ZNF160: variants seen among roughly 807,000 people sequenced by gnomAD.
ZNF160 encodes zinc finger protein 160.
Under a neutral mutation model 13.1 loss-of-function variants are expected in ZNF160, and 9 were observed. The observed-to-expected ratio is 0.69, with a 90% CI of 0.41 to 1.20. The LOEUF is 1.20. Among genes scored for constraint, ZNF160 ranks in the 50% most tolerant of loss-of-function variants. ZNF160 has a pLI of 0.01. For synonymous variants in ZNF160, 293 were observed against 333.2 expected (o/e 0.88, Z 1.31); for missense variants, 838 against 988.0 (o/e 0.85, Z 2.04).
chr19:53,099,491 G>A (rs865832048), intron 1 of ZNF160, among the ~76,000 whole-genome samples: 1,718 of 149,230 alleles, frequency 0.012, 14 homozygotes, highest in Non-Finnish European at 0.017. Flanking sequence ...TGGGGAACAC[G>A]GGAAGCCGGT....
chr19:53,074,070 G>A (rs1461312920), intron 5 of ZNF160, 70 bp downstream of exon 5: 24 of 1,496,480 alleles, frequency 1.6e-5, no homozygotes, highest in African/African-American at 5.5e-5. Flanking sequence ...GATTACAGGC[G>A]TGAGCTACTG....
intron 2 of ZNF160, among the ~76,000 whole-genome samples, chr19:53,090,078 C>T (rs976612447): frequency 2.0e-5 from 3 of 151,552 alleles, no homozygotes; most frequent in Non-Finnish European, 4.4e-5. Flanking sequence ...CCCTGTTACA[C>T]CCCTTGTCCC....
At chr19:53,093,818 G>A (rs1261940435) in intron 1 of ZNF160, among the ~76,000 whole-genome samples, 2 of 152,146 alleles carry the variant, frequency 1.3e-5, no homozygotes, top group Admixed American at 1.3e-4. Context: ...AGGGCACTCA[G>A]CCTTCACTGT....
At chr19:53,102,506 C>A (rs994199824) in intron 1 of ZNF160, among the ~76,000 whole-genome samples, 1 of 152,218 alleles carries the variant, frequency 6.6e-6, no homozygotes, top group Non-Finnish European at 1.5e-5. Context: ...TCCTGCATCT[C>A]GGGACATCGA....
At chr19:53,083,109 C>T (rs893101471) in intron 3 of ZNF160, among the ~76,000 whole-genome samples, 5 of 152,214 alleles carry the variant, frequency 3.3e-5, no homozygotes, top group Non-Finnish European at 7.3e-5. Context: ...GGAATCTCCA[C>T]GTGTTCACCT....
intron 4 of ZNF160, among the ~76,000 whole-genome samples, chr19:53,074,736 C>A (rs1273725111): frequency 6.6e-6 from 1 of 151,350 alleles, no homozygotes; most frequent in Non-Finnish European, 1.5e-5. Flanking sequence ...ATGGTACATG[C>A]TGATAGAAGG....
At chr19:53,096,648 C>T (rs1417135160) in intron 1 of ZNF160, among the ~76,000 whole-genome samples, 1 of 133,418 alleles carries the variant, frequency 7.5e-6, no homozygotes, top group African/African-American at 2.8e-5. Flanking sequence ...TTGGGTCTTG[C>T]GTGGGGCAAA....
intron 5 of ZNF160, chr19:53,073,177 T>G: frequency 2.1e-6 from 3 of 1,405,906 alleles, no homozygotes; most frequent in Non-Finnish European, 2.8e-6. Flanking sequence ...TTTGCTGCTA[T>G]TAGTTTTATT....
intron 3 of ZNF160, among the ~76,000 whole-genome samples, chr19:53,083,736 C>CA (rs1319224297): frequency 6.6e-6 from 1 of 151,846 alleles, no homozygotes; most frequent in Admixed American, 6.6e-5. Flanking sequence ...CCTGTCTCTA[C>CA]AAAAAACAAA....
At chr19:53,088,462 C>T (rs1466244811) in intron 2 of ZNF160, among the ~76,000 whole-genome samples, 1 of 151,544 alleles carries the variant, frequency 6.6e-6, no homozygotes, top group Non-Finnish European at 1.5e-5. Flanking sequence ...TACTTGAGCC[C>T]AGGAGTTTGA....
chr19:53,100,502 T>G (rs1385775117), intron 1 of ZNF160, among the ~76,000 whole-genome samples: 1 of 152,042 alleles, frequency 6.6e-6, no homozygotes, highest in Non-Finnish European at 1.5e-5. Flanking sequence ...CCCAACTACT[T>G]GGGAGGCTGA....
At chr19:53,087,085 C>T (rs572488369) in intron 2 of ZNF160, among the ~76,000 whole-genome samples, 1 of 152,326 alleles carries the variant, frequency 6.6e-6, no homozygotes, top group African/African-American at 2.4e-5. Flanking sequence ...AGAACAAAGA[C>T]CTCAGGAAGA....
intron 1 of ZNF160, among the ~76,000 whole-genome samples, chr19:53,094,202 T>C (rs544286764): frequency 6.6e-6 from 1 of 152,292 alleles, no homozygotes; most frequent in East Asian, 1.9e-4. Context: ...TTTAAGGGAA[T>C]GGTTGGCGAC....
rs910061100 is a variant in ZNF160 at position 53,091,093 on chromosome 19, T to C, written c.-46+320A>G. On this transcript the variant is annotated intron_variant, in intron 2 of 5. Transcript: ENST00000683776. ...CGGCTCATGCCTGTAATCCCAGCAC[T>C]TCGTGGGCTGTAATCCCAGCCGAAG... 11 of 152,354 alleles carry C rather than the reference T, an allele frequency of 7.2e-5. 1 individual carries two copies. Among genetic ancestry groups the C allele is most frequent in the African/African-American group, 2.4e-4 (10 of 41,562 alleles). 9.4% of individuals were successfully genotyped at this position (152,354 alleles called of 1,614,324 possible).
At chr19:53,101,079 G>C (rs1161583794) in intron 1 of ZNF160, among the ~76,000 whole-genome samples, 1 of 151,856 alleles carries the variant, frequency 6.6e-6, no homozygotes, top group African/African-American at 2.4e-5. Context: ...AGGAGGTCAA[G>C]ACCAGCCTAG....
intron 1 of ZNF160, 94 bp downstream of exon 1, chr19:53,103,171 C>A: frequency 6.6e-6 from 1 of 152,306 alleles, no homozygotes; most frequent in Non-Finnish European, 1.5e-5. Context: ...GTTTACTTGG[C>A]CCAAGGCAGA....
intron 1 of ZNF160, among the ~76,000 whole-genome samples, chr19:53,094,999 C>T (rs1054507580): frequency 6.6e-6 from 1 of 151,700 alleles, no homozygotes; most frequent in African/African-American, 2.4e-5. Context: ...AGCCCTTTCC[C>T]GTTGCCCAGA....
In ZNF160 at chr19:53,070,053, C is replaced by G. The variant is rs760662269; in HGVS notation, c.481G>C (p.Glu161Gln). 1 of 1,614,066 alleles carries G rather than the reference C, an allele frequency of 6.2e-7. No individual in the cohort carries two copies. The highest frequency in any genetic ancestry group is 8.5e-7 in the Non-Finnish European group (1 of 1,179,976). ...CTGTCGCGTTGATCTCTTTTACCTT[C>G]TTTCTGGGCCATAAGCACTCCCTTG... is the stretch of plus-strand genomic sequence containing the variant. ...NYKGVLMAQK[E>Q]GKRDQRDRRD... Residue 161 changes from glutamate to glutamine, a missense_variant, in exon 6 of 6, where the codon GAA (glutamate) becomes CAA (glutamine). By Grantham distance (29) the Glu-to-Gln change is conservative. Around this residue, in one of 3 missense-constraint regions of ZNF160, gnomAD observed 387 missense variants for 402.3 expected, o/e 0.96. Coordinates refer to ENST00000683776, the MANE Select transcript of ZNF160 (RefSeq NM_001322131.2).
rs560642532 is a variant in ZNF160 at position 53,086,162 on chromosome 19, T to C, written c.15+100A>G. The stretch of plus-strand genomic sequence containing the variant: ...AGGCGCGGGTGAGTGCTAGCAAACA[T>C]GTCAGGCAGGACGCTTCAGACTCAG... On this transcript the variant is annotated intron_variant, in intron 3 of 5. Coordinates refer to ENST00000683776, the MANE Select transcript of ZNF160 (RefSeq NM_001322131.2). 41 of 1,403,648 alleles carry C rather than the reference T, an allele frequency of 2.9e-5. No individual in the cohort carries two copies. The African/African-American group carries it at 4.8e-4, about 16-fold the overall frequency. 86.9% of individuals were successfully genotyped at this position (1,403,648 alleles called of 1,614,324 possible). A position where few individuals can be genotyped will look rare whatever the true frequency, so the allele number is the denominator to read the frequency against.
Sources: gnomAD v4.1 joint callset for allele counts (sites outside exome capture counted in the v4.1 genomes callset) on GRCh38, gnomAD v4.1.1 for gene constraint, gnomAD v4.1.1 regional missense constraint, MANE v1.5 for transcripts, NCBI Gene and HGNC (gene_info 2026-07-23, HGNC 2026-07-21) for gene names.